The following DLGAP1 variants were observed in gnomAD, a reference collection of about 807,000 sequenced individuals.
DLGAP1 encodes the protein DLG associated protein 1.
A neutral mutation model predicts 90.8 loss-of-function variants in DLGAP1; 11 were observed. The observed-to-expected ratio is 0.12, with a 90% CI of 0.08 to 0.20. The LOEUF (loss-of-function observed/expected upper bound fraction) is 0.20, where lower values mean the gene tolerates loss of function less well. DLGAP1 is among the 10% of genes least tolerant of loss of function. The probability of loss-of-function intolerance (pLI) is 1.00; values close to 1 mark genes in which losing one functional copy is unlikely to be tolerated. For missense variants in DLGAP1, 1,050 were observed against 1,333.8 expected (o/e 0.79, Z 3.31); for synonymous variants, 558 against 540.7 (o/e 1.03, Z -0.44).
chr18:4,321,565 C>G (rs756259094), intron 1 of DLGAP1, among the ~76,000 whole-genome samples: 1 of 152,176 alleles, frequency 6.6e-6, no homozygotes, highest in Non-Finnish European at 1.5e-5. Flanking sequence ...ACTATACAGA[C>G]AGCAATGATT....
In DLGAP1 at chr18:3,997,030, C is replaced by CTTTT. The variant is rs5822780; in HGVS notation, c.-73+8082_-73+8085dup. Among the ~76,000 whole-genome samples, 136 of 85,968 alleles carry CTTTT rather than the reference C, an allele frequency of 1.6e-3. 26 individuals carry two copies. The highest frequency in any genetic ancestry group is 6.5e-3 in the African/African-American group (129 of 19,970). 56.4% of individuals were successfully genotyped at this position (85,968 alleles called of 152,430 possible). Reference sequence around the variant, plus strand: ...TTAGAAATATAAGTTGCAGAGTTTTCTTTTTTTTTTTTTTCATATTTTAAA... The same window carrying CTTTT: ...TTAGAAATATAAGTTGCAGAGTTTTCTTTTTTTTTTTTTTTTTTCATATTTTAAA... On this transcript the variant is annotated intron_variant, in intron 3 of 12. Transcript: ENST00000315677.
rs2049754095 is a variant in DLGAP1 at position 3,498,133 on chromosome 18, C to A, written c.*1052G>T. Reference sequence around the variant, plus strand: ...AAGGGATGGTAGGAAAACCCAAACTCTTCTCCAAAAACAGCCTTGCTGCCA... The same window carrying A: ...AAGGGATGGTAGGAAAACCCAAACTATTCTCCAAAAACAGCCTTGCTGCCA... On this transcript the variant is annotated 3_prime_UTR_variant, in exon 13 of 13. Coordinates refer to ENST00000315677, the MANE Select transcript of DLGAP1 (RefSeq NM_004746.4). The A allele has an allele frequency of 6.6e-6, 1 of 152,226 alleles. No homozygotes were observed. Among genetic ancestry groups the A allele is most frequent in the Admixed American group, 6.5e-5 (1 of 15,280 alleles). The allele number at this position is 152,226 out of a possible 1,614,324, so 9.4% of individuals were successfully genotyped here.
chr18:3,676,679 G>T (rs879505259), intron 7 of DLGAP1, among the ~76,000 whole-genome samples: 2 of 130,122 alleles, frequency 1.5e-5, no homozygotes, highest in Non-Finnish European at 3.1e-5. Flanking sequence ...GCCAATTTGA[G>T]GCTACTTCTC....
intron 4 of DLGAP1, among the ~76,000 whole-genome samples, chr18:3,872,997 T>G (rs1022827809): frequency 6.6e-6 from 1 of 152,194 alleles, no homozygotes; most frequent in Non-Finnish European, 1.5e-5. Context: ...CCAAGCACTT[T>G]GGTGTTGCCG....
intron 2 of DLGAP1, among the ~76,000 whole-genome samples, chr18:4,098,434 T>G (rs2075720529): frequency 1.3e-5 from 2 of 151,818 alleles, no homozygotes; most frequent in African/African-American, 4.8e-5. Flanking sequence ...GATAATGCAG[T>G]GGGTAAGATA....
chr18:3,845,667 C>T (rs905412093), intron 4 of DLGAP1: 25 of 931,638 alleles, frequency 2.7e-5, no homozygotes, highest in Middle Eastern at 5.5e-4. Context: ...TAGGGGGTAA[C>T]GTATATTCTG....
At chr18:3,798,876 T>C (rs1043101789) in intron 5 of DLGAP1, among the ~76,000 whole-genome samples, 4 of 152,090 alleles carry the variant, frequency 2.6e-5, no homozygotes, top group African/African-American at 9.7e-5. Flanking sequence ...CTTTTTTTTT[T>C]CTTTCTTTCT....
chr18:3,963,347 A>G (rs1460825767), intron 3 of DLGAP1, among the ~76,000 whole-genome samples: 1 of 152,208 alleles, frequency 6.6e-6, no homozygotes, highest in East Asian at 1.9e-4. Flanking sequence ...CTTTGTTGAG[A>G]GCACAGTTGC....
Position 3,522,380 on chromosome 18 carries a change from G to A in DLGAP1, c.2479+11814C>T, listed in dbSNP as rs373735376. ...TCAAAGTCCTGACCTCAAGTGATCT[G>A]CCCACCTCAGCCTCTCAAAGTGCTG... On this transcript the variant is annotated intron_variant, in intron 10 of 12. Transcript: ENST00000315677. Among the ~76,000 whole-genome samples the A allele has an allele frequency of 1.8e-4, 27 of 151,700 alleles. 2 individuals carry two copies. The South Asian group carries it at 4.6e-3, about 26-fold the overall frequency.
intron 7 of DLGAP1, among the ~76,000 whole-genome samples, chr18:3,665,759 C>G (rs2059856366): frequency 6.6e-6 from 1 of 152,204 alleles, no homozygotes; most frequent in Non-Finnish European, 1.5e-5. Context: ...AATATGTCGA[C>G]AGGCATATTC....
At chr18:3,581,732 A>C (rs2055531153) in intron 8 of DLGAP1, 143 bp downstream of exon 8, 1 of 999,572 alleles carries the variant, frequency 1.0e-6, no homozygotes, top group Admixed American at 2.3e-5. Context: ...TACGGAGTCC[A>C]CAGCCAATCA....
intron 3 of DLGAP1, among the ~76,000 whole-genome samples, chr18:3,924,722 T>C (rs932599934): frequency 1.3e-5 from 2 of 152,194 alleles, no homozygotes; most frequent in African/African-American, 4.8e-5. Context: ...ATATAGTTAC[T>C]TTTTCCAAGG....
intron 1 of DLGAP1, among the ~76,000 whole-genome samples, chr18:4,309,837 C>T (rs1171774469): frequency 6.6e-6 from 1 of 152,144 alleles, no homozygotes; most frequent in Non-Finnish European, 1.5e-5. Flanking sequence ...GTAAAAAAGG[C>T]TCCACAGGCT....
chr18:3,674,619 G>A (rs1190902881), intron 7 of DLGAP1, among the ~76,000 whole-genome samples: 1 of 150,706 alleles, frequency 6.6e-6, no homozygotes, highest in Non-Finnish European at 1.5e-5. Context: ...GACCCTATCT[G>A]TAATAAATAA....
Position 4,365,111 on chromosome 18 carries a change from T to C in DLGAP1, c.-267+89895A>G, listed in dbSNP as rs147071470. Among the ~76,000 whole-genome samples the C allele has an allele frequency of 4.6e-3, 694 of 152,330 alleles. 1 individual carries two copies. Among genetic ancestry groups the C allele is most frequent in the Middle Eastern group, 0.02 (6 of 294 alleles). On this transcript the variant is annotated intron_variant, in intron 1 of 12. Transcript: ENST00000315677. ...AAGGAATTAATCTTCCTTGTGAATA[T>C]TAACAATAATATTCCTTGTGAACAG...
intron 7 of DLGAP1, among the ~76,000 whole-genome samples, chr18:3,595,252 C>A (rs780516784): frequency 6.6e-6 from 1 of 152,190 alleles, no homozygotes; most frequent in Non-Finnish European, 1.5e-5. Context: ...ATCAAAGTAA[C>A]TGCTGTCTTC....
chr18:3,561,653 G>T (rs947940323), intron 9 of DLGAP1, among the ~76,000 whole-genome samples: 4 of 150,560 alleles, frequency 2.7e-5, no homozygotes, highest in East Asian at 3.9e-4. Context: ...GGTGTTTTTG[G>T]TTTTTTATTC....
At chr18:4,295,152 C>G (rs1030815481) in intron 1 of DLGAP1, 14 of 152,136 alleles carry the variant, frequency 9.2e-5, no homozygotes, top group South Asian at 2.1e-4. Context: ...TGGGGAACTG[C>G]CCTCTTCTAC....
chr18:3,879,145 C>T lies in DLGAP1; in HGVS notation c.924G>A (p.Ser308=), dbSNP rs1295286464. The T allele has an allele frequency of 6.6e-6, 10 of 1,507,282 alleles. No individual in the cohort carries two copies. Among genetic ancestry groups the T allele is most frequent in the African/African-American group, 4.2e-5 (3 of 71,372 alleles). 93.4% of individuals were successfully genotyped at this position (1,507,282 alleles called of 1,614,324 possible). A position where few individuals can be genotyped will look rare whatever the true frequency, so the allele number is the denominator to read the frequency against. ...NMDQAMVKSE[S]CQQERSCQYL... ...ACTGGCAGGAGCGTTCTTGCTGACACGACTCGGACTTCACCATGGCCTGGT... is the reference window on the plus strand; with the variant it reads ...ACTGGCAGGAGCGTTCTTGCTGACATGACTCGGACTTCACCATGGCCTGGT... The change falls in exon 4 of 13, where the codon TCG becomes TCA. Residue 308 remains serine, a synonymous_variant. Transcript: ENST00000315677. The surrounding 1 kb of genome is among the most constrained non-coding windows in gnomAD (Gnocchi z 6.6).
Sources: gnomAD v4.1 joint callset for allele counts (sites outside exome capture counted in the v4.1 genomes callset) on GRCh38, gnomAD v4.1.1 for gene constraint, Gnocchi (gnomAD v3.1) non-coding constraint, MANE v1.5 for transcripts, NCBI Gene and HGNC (gene_info 2026-07-23, HGNC 2026-07-21) for gene names.